ANAPC5: variants seen among roughly 807,000 people sequenced by gnomAD.
ANAPC5 encodes anaphase-promoting complex subunit 5.
In ANAPC5, 60 loss-of-function variants were observed where a neutral mutation model predicts 91.3. The ratio of observed to expected loss-of-function variants is 0.66; its 90% confidence interval spans 0.53 to 0.81. The LOEUF is 0.81. Among genes scored for constraint, ANAPC5 ranks in the 40% least tolerant of loss-of-function variants. The pLI is 0.00. For synonymous variants in ANAPC5, 340 were observed against 364.1 expected, an observed-to-expected ratio of 0.93 and a Z score of 0.75; for missense variants, 690 against 931.5, an observed-to-expected ratio of 0.74 and a Z score of 3.37.
chr12:121,347,183 G>T (rs1903700850), intron 2 of ANAPC5, 178 bp from the exon 3 acceptor site: 2 of 513,732 alleles, frequency 3.9e-6, no homozygotes, highest in South Asian at 2.9e-5. Flanking sequence ...TTTCTGAAAA[G>T]TATCATTGTT....
At chr12:121,337,241 T>C (rs1555273581) in intron 6 of ANAPC5, 50 bp downstream of exon 6, 1 of 1,448,218 alleles carries the variant, frequency 6.9e-7, no homozygotes, top group South Asian at 1.1e-5. Flanking sequence ...CAAAAAAAGT[T>C]GCCTTGTCAT....
At chr12:121,336,844 G>C (rs1555273533) in intron 6 of ANAPC5, among the ~76,000 whole-genome samples, 1 of 152,178 alleles carries the variant, frequency 6.6e-6, no homozygotes, top group Non-Finnish European at 1.5e-5. Context: ...CCTATACCGA[G>C]TTGTTTGCCT....
At chr12:121,336,365 A>G (rs940985874) in intron 6 of ANAPC5, among the ~76,000 whole-genome samples, 1 of 152,190 alleles carries the variant, frequency 6.6e-6, no homozygotes, top group African/African-American at 2.4e-5. Context: ...GAGAAAGGAA[A>G]AGAGTTTTTC....
rs369320958 is a variant in ANAPC5 at position 121,331,438 on chromosome 12, G to A, written c.951-10C>T. The A allele has an allele frequency of 6.2e-6, 10 of 1,603,162 alleles. No homozygotes were observed. The highest frequency in any genetic ancestry group is 1.7e-5 in the Admixed American group (1 of 59,864). On this transcript the variant is annotated splice_polypyrimidine_tract_variant and intron_variant, in intron 7 of 16. Transcript: ENST00000261819. Reference sequence around the variant, plus strand: ...GAGCTCTGCCTGTTGACTAATGACAGACTAAACATTAATATCCCATTAATA... The same window carrying A: ...GAGCTCTGCCTGTTGACTAATGACAAACTAAACATTAATATCCCATTAATA...
At chr12:121,334,728 A>G (rs1214569317) in intron 7 of ANAPC5, 1 of 152,236 alleles carries the variant, frequency 6.6e-6, no homozygotes, top group Non-Finnish European at 1.5e-5. Context: ...CCTGACTTTC[A>G]GTAAGCCTAT....
intron 12 of ANAPC5, 127 bp from the exon 13 acceptor site, chr12:121,319,945 G>T: frequency 2.1e-6 from 2 of 969,916 alleles, no homozygotes; most frequent in Non-Finnish European, 1.4e-6. Flanking sequence ...TTTTTGGGGG[G>T]ATTTAAAATT....
chr12:121,350,315 A>C (rs780370839), intron 1 of ANAPC5, among the ~76,000 whole-genome samples: 5 of 152,238 alleles, frequency 3.3e-5, no homozygotes, highest in Non-Finnish European at 7.3e-5. Flanking sequence ...CCAGGGACCC[A>C]GATCTGTTTC....
Position 121,327,116 on chromosome 12 carries a change from C to T in ANAPC5, c.1420G>A (p.Ala474Thr), listed in dbSNP as rs368484764. The part of the protein sequence containing the change: ...ESFAVALCHL[A>T]ELHAEQGCFA... ...CCTACCTGCTCCGCGTGTAGCTCTG[C>T]GAGGTGGCAGAGTGCGACAGCAAAG... Residue 474 changes from alanine (A) to threonine (T), a missense_variant, in exon 11 of 17, where the codon GCA becomes ACA. Ala to Thr is a moderately conservative substitution (Grantham distance 58). Around this residue, in one of 5 missense-constraint regions of ANAPC5, gnomAD observed 317 missense variants for 438.7 expected, o/e 0.72. Coordinates refer to ENST00000261819, the MANE Select transcript of ANAPC5 (RefSeq NM_016237.5). The T allele has an allele frequency of 1.1e-5, 17 of 1,608,460 alleles. No homozygotes were observed. Among genetic ancestry groups the T allele is most frequent in the South Asian group, 7.7e-5 (7 of 90,842 alleles).
chr12:121,348,048 G>A (rs1555274878), intron 1 of ANAPC5, among the ~76,000 whole-genome samples, 167 bp from the exon 2 acceptor site: 1 of 152,056 alleles, frequency 6.6e-6, no homozygotes, highest in East Asian at 1.9e-4. Context: ...CTTCACATTT[G>A]CATACCATTT....
At chr12:121,328,778 G>A (rs1902917728) in intron 9 of ANAPC5, 1 of 304,960 alleles carries the variant, frequency 3.3e-6, no homozygotes, top group Non-Finnish European at 6.2e-6. Context: ...CTTACTGTGT[G>A]ACTTAGGGCC....
intron 9 of ANAPC5, chr12:121,328,724 G>C (rs540744464): frequency 1.1e-5 from 5 of 444,720 alleles, no homozygotes; most frequent in African/African-American, 8.0e-5. Context: ...AGCCAGCAGG[G>C]CTTTAGCATT....
In ANAPC5 at chr12:121,310,760, CCT is replaced by C. The variant is rs764973867; in HGVS notation, c.1894-899_1894-898del. Among the ~76,000 whole-genome samples, 10 of 151,798 alleles carry C rather than the reference CCT, an allele frequency of 6.6e-5. No individual in the cohort carries two copies. The South Asian group carries it at 1.7e-3, about 25-fold the overall frequency. ...ACCAGCCTGGCCAACATGGTGAAAC[CCT>C]GTCTTTCCTAAAAATACAAAAATTA... On this transcript the variant is annotated intron_variant, in intron 15 of 16. Coordinates refer to ENST00000261819, the MANE Select transcript of ANAPC5 (RefSeq NM_016237.5).
chr12:121,346,810 A>T (rs782358237), intron 3 of ANAPC5, 86 bp downstream of exon 3: 1 of 753,680 alleles, frequency 1.3e-6, no homozygotes, highest in Non-Finnish European at 2.1e-6. Flanking sequence ...CTGTTCACAG[A>T]TATAGCAGAA....
rs78763063 is a variant in ANAPC5, at chr12:121,341,588, G to C, written c.657+415C>G. 1.6e-3 allele frequency among the ~76,000 whole-genome samples: 237 copies of C among 152,312 alleles called. No individual in the cohort carries two copies. In the East Asian group the frequency reaches 0.02, roughly 13 times the overall value. ...TAAGATGAAATGGTGGCTGAATAGA[G>C]AGTGGTTAGATAAGTAATAAATAGA... On this transcript the variant is annotated intron_variant, in intron 5 of 16. Transcript: ENST00000261819.
chr12:121,337,176 C>G, intron 6 of ANAPC5, 115 bp downstream of exon 6: 2 of 762,238 alleles, frequency 2.6e-6, no homozygotes, highest in Non-Finnish European at 4.4e-6. Context: ...CAAGGTCGTG[C>G]CACTGCACTC....
rs145007196 is a variant in ANAPC5, at chr12:121,328,327, C to A, written c.1293G>T (p.Leu431=). 7.6e-5 allele frequency: 123 copies of A among 1,613,716 alleles called. No individual in the cohort carries two copies. The highest frequency in any genetic ancestry group is 9.2e-5 in the Non-Finnish European group (108 of 1,179,988). Residue 431 remains leucine, a synonymous_variant, in exon 10 of 17, where the codon CTG becomes CTT. Coordinates refer to ENST00000261819, the MANE Select transcript of ANAPC5 (RefSeq NM_016237.5). The stretch of plus-strand genomic sequence containing the variant: ...CTTGGGAGACCTACCTGCGGCCATA[C>A]AGCCTCCAGATGGCCGTTTTCTGTG... The part of the protein sequence containing the change: ...SIAQKTAIWR[L]YGRSTMALQQ...
chr12:121,348,969 A>G (rs879953742), intron 1 of ANAPC5, among the ~76,000 whole-genome samples: 1 of 152,242 alleles, frequency 6.6e-6, no homozygotes, highest in Non-Finnish European at 1.5e-5. Flanking sequence ...GCAGCCATTA[A>G]AAAGACCATT....
In ANAPC5 at chr12:121,324,808, G is replaced by A. The variant is rs183386258; in HGVS notation, c.1440+2288C>T. Among the ~76,000 whole-genome samples the A allele has an allele frequency of 6.8e-3, 1,033 of 152,110 alleles. 14 individuals are homozygous for A. Among genetic ancestry groups the A allele is most frequent in the South Asian group, 0.036 (174 of 4,822 alleles). The stretch of plus-strand genomic sequence containing the variant: ...TCCCAGCTACTAGGCAGGTTGAGGT[G>A]GAGTTCAAGGCTGCAGTGAGCTATG... On this transcript the variant is annotated intron_variant, in intron 11 of 16. Transcript: ENST00000261819.
intron 5 of ANAPC5, among the ~76,000 whole-genome samples, chr12:121,338,290 T>C (rs938690912): frequency 2.0e-5 from 3 of 151,974 alleles, no homozygotes; most frequent in Non-Finnish European, 4.4e-5. Context: ...TTAATTTATG[T>C]CATTATAGAA....
Sources: allele counts gnomAD v4.1 joint callset (sites outside exome capture counted in the v4.1 genomes callset), GRCh38; gene constraint gnomAD v4.1.1; regional missense constraint gnomAD v4.1.1; transcripts MANE v1.5; gene names NCBI Gene and HGNC (gene_info 2026-07-23, HGNC 2026-07-21).